Variants in SLC39A9 observed in about 807,000 individuals in gnomAD.
The protein encoded by SLC39A9 is solute carrier family 39 member 9, also known as zinc transporter ZIP9.
Under a neutral mutation model 28.4 loss-of-function variants are expected in SLC39A9, and 14 were observed. The ratio of observed to expected loss-of-function variants is 0.49; its 90% CI spans 0.33 to 0.77. The LOEUF (loss-of-function observed/expected upper bound fraction) is 0.77, where lower values mean the gene tolerates loss of function less well. SLC39A9 is among the 30% of genes least tolerant of loss of function. The pLI is 0.02. For synonymous variants in SLC39A9, 119 were observed against 149.6 expected (o/e 0.80, Z 1.49); for missense variants, 283 against 381.1 (o/e 0.74, Z 2.14).
At position 69,424,108 on chromosome 14, in the gene SLC39A9, G is replaced by A. The variant is rs761714898; in HGVS notation, c.111G>A (p.Leu37=). 5.0e-6 allele frequency: 8 copies of A among 1,613,716 alleles called. 1 individual carries two copies. In the Admixed American group the frequency reaches 1.3e-4, roughly 27 times the overall value. The change falls in exon 2 of 7, where the codon CTG becomes CTA. Residue 37 remains leucine, a synonymous_variant. Coordinates refer to ENST00000336643, the MANE Select transcript of SLC39A9 (RefSeq NM_018375.5). ...AVNFSEERLK[L]VTVLGAGLLC... is the part of the protein sequence containing the mutation. ...TTTCTCCCCAGGAACGACTGAAGCT[G>A]GTGACTGTTTTGGGTGCTGGCCTTC...
intron 6 of SLC39A9, among the ~76,000 whole-genome samples, chr14:69,456,391 G>A: frequency 6.6e-6 from 1 of 152,104 alleles, no homozygotes. Context: ...AAATGGAAAG[G>A]GTTTTTATAA....
Position 69,461,758 on chromosome 14 carries a change from C to T in SLC39A9, c.*3165C>T. ...ATTAAGCCCCTGAAACACATGGTAGCTAGGGACTGAACACAGGAACCGTAT... is the reference window on the plus strand; with the variant it reads ...ATTAAGCCCCTGAAACACATGGTAGTTAGGGACTGAACACAGGAACCGTAT... On this transcript the variant is annotated 3_prime_UTR_variant, in exon 7 of 7. Transcript: ENST00000336643. 6.5e-7 allele frequency: 1 copy of T among 1,534,392 alleles called. No individual in the cohort carries two copies. The highest frequency in any genetic ancestry group is 2.4e-5 in the East Asian group (1 of 40,898).
intron 5 of SLC39A9, 148 bp downstream of exon 5, chr14:69,455,045 G>C (rs138875248): frequency 4.9e-6 from 3 of 606,464 alleles, no homozygotes; most frequent in Non-Finnish European, 8.4e-6. Flanking sequence ...TCTGTTCATA[G>C]CTTCTTGTTC....
intron 1 of SLC39A9, among the ~76,000 whole-genome samples, chr14:69,418,794 G>A (rs193201954): frequency 1.8e-4 from 28 of 152,180 alleles, no homozygotes; most frequent in Middle Eastern, 6.8e-3. Context: ...GTTTATTTGC[G>A]TAGAGGTGTG....
rs563721925 is a variant in SLC39A9 at position 69,423,470 on chromosome 14, TTAAATC to T, written c.97-618_97-613del. On this transcript the variant is annotated intron_variant, in intron 1 of 6. Transcript: ENST00000336643. ...TCAAAGAGTTCACATTTTTGAGGCT[TTAAATC>T]TAAATGCCAAACTGTAGTCTCCAGA... 2.2e-3 allele frequency among the ~76,000 whole-genome samples: 333 copies of T among 152,334 alleles called. 2 individuals carry two copies. The highest frequency in any genetic ancestry group is 7.4e-3 in the African/African-American group (308 of 41,574).
chr14:69,436,442 G>A lies in SLC39A9; in HGVS notation c.206-5627G>A, dbSNP rs866923303. On this transcript the variant is annotated intron_variant, in intron 2 of 6. Coordinates refer to ENST00000336643, the MANE Select transcript of SLC39A9 (RefSeq NM_018375.5). Reference sequence around the variant, plus strand: ...CTTTTGGTTGTATGCTGGACATTTTGAATATGATAACTTGAGAATCTGAGT... The same window carrying A: ...CTTTTGGTTGTATGCTGGACATTTTAAATATGATAACTTGAGAATCTGAGT... Among the ~76,000 whole-genome samples the A allele has an allele frequency of 9.9e-5, 15 of 152,220 alleles. No homozygotes were observed. The Middle Eastern group carries it at 0.014, about 138-fold the overall frequency.
chr14:69,421,839 C>A (rs561407278), intron 1 of SLC39A9, among the ~76,000 whole-genome samples: 50 of 152,210 alleles, frequency 3.3e-4, no homozygotes, highest in African/African-American at 1.2e-3. Flanking sequence ...CCTGGTGTGC[C>A]GTTTGTTAAG....
intron 3 of SLC39A9, among the ~76,000 whole-genome samples, 160 bp downstream of exon 3, chr14:69,442,426 T>C (rs1885093167): frequency 6.6e-6 from 1 of 152,190 alleles, no homozygotes; most frequent in Admixed American, 6.5e-5. Context: ...GGAGAGCTAG[T>C]GAGTTGTGGC....
In SLC39A9 at chr14:69,459,833, T is replaced by C. The variant is rs1217982720; in HGVS notation, c.*1240T>C. On this transcript the variant is annotated 3_prime_UTR_variant, in exon 7 of 7. Transcript: ENST00000336643. ...GTGTTAATATTTGTGTGGGATGAATTCTTATCAGGACAACCACTTCTCGAA... is the reference window on the plus strand; with the variant it reads ...GTGTTAATATTTGTGTGGGATGAATCCTTATCAGGACAACCACTTCTCGAA... 3 of 985,286 alleles carry C rather than the reference T, an allele frequency of 3.0e-6. No individual in the cohort carries two copies. The highest frequency in any genetic ancestry group is 1.2e-4 in the Admixed American group (2 of 16,266). 61.0% of individuals were successfully genotyped at this position (985,286 alleles called of 1,614,324 possible). A position where few individuals can be genotyped will look rare whatever the true frequency, so the allele number is the denominator to read the frequency against.
intron 2 of SLC39A9, chr14:69,441,750 T>G: frequency 9.8e-7 from 1 of 1,020,240 alleles, no homozygotes; most frequent in Non-Finnish European, 1.2e-6. Flanking sequence ...CATGAATTTC[T>G]CAGATAAAGG....
rs1013462638 is a variant in SLC39A9 at position 69,455,663 on chromosome 14, A to G, written c.559-69A>G. 5 of 1,590,246 alleles carry G rather than the reference A, an allele frequency of 3.1e-6. No individual in the cohort carries two copies. The African/African-American group carries it at 4.0e-5, about 13-fold the overall frequency. On this transcript the variant is annotated intron_variant, in intron 5 of 6. Transcript: ENST00000336643. Reference sequence around the variant, plus strand: ...GTATGAGAAATCATAGTCAAATGGCATATACTTCTTGATGTAGAAGCAACC... The same window carrying G: ...GTATGAGAAATCATAGTCAAATGGCGTATACTTCTTGATGTAGAAGCAACC...
chr14:69,436,139 C>T (rs933213563), intron 2 of SLC39A9, among the ~76,000 whole-genome samples: 2 of 152,050 alleles, frequency 1.3e-5, no homozygotes, highest in Non-Finnish European at 2.9e-5. Flanking sequence ...CAGTGGCTCA[C>T]GCCTGTAATC....
intron 3 of SLC39A9, among the ~76,000 whole-genome samples, chr14:69,449,196 G>T (rs952983385): frequency 2.6e-5 from 4 of 152,142 alleles, no homozygotes; most frequent in African/African-American, 7.2e-5. Context: ...GTTGATGTAA[G>T]AATAAATGGT....
chr14:69,459,177 A>G lies in SLC39A9; in HGVS notation c.*584A>G. 1 of 985,784 alleles carries G rather than the reference A, an allele frequency of 1.0e-6. No individual in the cohort carries two copies. The highest frequency in any genetic ancestry group is 1.7e-5 in the African/African-American group (1 of 57,356). The allele number at this position is 985,784 out of a possible 1,614,324, so 61.1% of individuals were successfully genotyped here. A position where few individuals can be genotyped will look rare whatever the true frequency, so the allele number is the denominator to read the frequency against. ...GCAAGACACATTGAAAGCTCTCTTT[A>G]TACTCAAAAGAGATATCCATTGAAA... On this transcript the variant is annotated 3_prime_UTR_variant, in exon 7 of 7. Coordinates refer to ENST00000336643, the MANE Select transcript of SLC39A9 (RefSeq NM_018375.5).
chr14:69,411,211 C>CAAA (rs35337440), intron 1 of SLC39A9, among the ~76,000 whole-genome samples: 29 of 74,634 alleles, frequency 3.9e-4, no homozygotes, highest in East Asian at 4.6e-4. Flanking sequence ...GATTCCATCT[C>CAAA]AAAAAAAAAA....
In SLC39A9 at chr14:69,428,208, C is replaced by T. The variant is rs188470556; in HGVS notation, c.205+4006C>T. Among the ~76,000 whole-genome samples the T allele has an allele frequency of 5.4e-3, 813 of 150,028 alleles. 12 individuals carry two copies. The highest frequency in any genetic ancestry group is 0.019 in the African/African-American group (783 of 40,666). The stretch of plus-strand genomic sequence containing the variant: ...AGGAGAATCGCTTGAACCTGGGAGG[C>T]GGAGGTTGCAGTGAGCCGAGATTGT... On this transcript the variant is annotated intron_variant, in intron 2 of 6. Transcript: ENST00000336643.
In SLC39A9 at chr14:69,458,982, A is replaced by C; in HGVS notation, c.*389A>C. On this transcript the variant is annotated 3_prime_UTR_variant, in exon 7 of 7. Transcript: ENST00000336643. Reference sequence around the variant, plus strand: ...AATTAAGCTATGTCTCTTTCTTCTTAGTTTAGAGGCTCTGCTACTTTATCC... The same window carrying C: ...AATTAAGCTATGTCTCTTTCTTCTTCGTTTAGAGGCTCTGCTACTTTATCC... 1.0e-6 allele frequency: 1 copy of C among 997,438 alleles called. No homozygotes were observed. The highest frequency in any genetic ancestry group is 1.0e-4 in the East Asian group (1 of 9,680). 61.8% of individuals were successfully genotyped at this position (997,438 alleles called of 1,614,324 possible).
At chr14:69,447,865 AT>A (rs1183474583) in intron 3 of SLC39A9, among the ~76,000 whole-genome samples, 1 of 148,094 alleles carries the variant, frequency 6.8e-6, no homozygotes, top group African/African-American at 2.5e-5. Context: ...GTGAGCCAAT[AT>A]TGTGCCACTG....
At chr14:69,456,823 T>C (rs1885886163) in intron 6 of SLC39A9, among the ~76,000 whole-genome samples, 1 of 152,126 alleles carries the variant, frequency 6.6e-6, no homozygotes, top group Non-Finnish European at 1.5e-5. Flanking sequence ...AATAGGAACA[T>C]GTGAAAAATG....
Sources: allele counts gnomAD v4.1 joint callset (sites outside exome capture counted in the v4.1 genomes callset), GRCh38; gene constraint gnomAD v4.1.1; transcripts MANE v1.5; gene names NCBI Gene and HGNC (gene_info 2026-07-23, HGNC 2026-07-21).